The following MAP2K6 variants were observed in gnomAD, a reference collection of about 807,000 sequenced individuals.
MAP2K6 encodes dual specificity mitogen-activated protein kinase kinase 6.
Under a neutral mutation model 53.7 loss-of-function variants are expected in MAP2K6, and 16 were observed. That is an observed-to-expected ratio of 0.30 (90% confidence interval 0.20 to 0.45). The LOEUF (loss-of-function observed/expected upper bound fraction) is 0.45, where lower values mean the gene tolerates loss of function less well. Ranked by LOEUF, MAP2K6 falls within the 20% of genes least tolerant of loss-of-function variation. The pLI is 1.00. For synonymous variants in MAP2K6, 132 were observed against 143.1 expected (o/e 0.92, Z 0.55); for missense variants, 204 against 411.9 (o/e 0.50, Z 4.37).
At chr17:69,461,991 C>T (rs534997713) in intron 1 of MAP2K6, among the ~76,000 whole-genome samples, 22 of 152,208 alleles carry the variant, frequency 1.4e-4, no homozygotes, top group African/African-American at 4.3e-4. Context: ...TGTAGAAATT[C>T]GCAAGGAGGC....
At chr17:69,484,109 A>T (rs1395719736) in intron 1 of MAP2K6, among the ~76,000 whole-genome samples, 1 of 152,110 alleles carries the variant, frequency 6.6e-6, no homozygotes, top group Admixed American at 6.6e-5. Flanking sequence ...TCAAAGTTAA[A>T]AATTTTTCTG....
chr17:69,440,741 GT>G (rs779594281), intron 1 of MAP2K6, among the ~76,000 whole-genome samples: 1,397 of 133,086 alleles, frequency 0.01, 8 homozygotes, highest in African/African-American at 0.015. Flanking sequence ...GTTTTGTTTT[GT>G]TTTTTTTTTT....
intron 1 of MAP2K6, among the ~76,000 whole-genome samples, chr17:69,421,499 T>C (rs1384853884): frequency 1.3e-5 from 2 of 151,928 alleles, no homozygotes; most frequent in East Asian, 3.9e-4. Flanking sequence ...CTATGAGGCT[T>C]CTGAAGGATT....
At chr17:69,520,835 G>A (rs190780277) in intron 6 of MAP2K6, 13 of 473,470 alleles carry the variant, frequency 2.7e-5, no homozygotes, top group East Asian at 2.4e-4. Context: ...GACAGATGAG[G>A]GAGACATCCT....
At chr17:69,512,339 G>GTTTTT (rs746993199) in intron 2 of MAP2K6, among the ~76,000 whole-genome samples, 2 of 82,132 alleles carry the variant, frequency 2.4e-5, no homozygotes, top group South Asian at 4.7e-4. Context: ...TTTTTTTTTT[G>GTTTTT]TTTTTTTTTT....
intron 1 of MAP2K6, among the ~76,000 whole-genome samples, chr17:69,491,258 C>T (rs529837194): frequency 6.7e-4 from 102 of 152,268 alleles, no homozygotes; most frequent in African/African-American, 2.4e-3. Context: ...ATTCTCCTGC[C>T]TCAGCCTCCT....
At chr17:69,531,401 C>T (rs1360272135) in intron 10 of MAP2K6, among the ~76,000 whole-genome samples, 5 of 152,164 alleles carry the variant, frequency 3.3e-5, no homozygotes, top group East Asian at 1.9e-4. Flanking sequence ...CAACTTGGCA[C>T]GATGCCATCA....
intron 1 of MAP2K6, among the ~76,000 whole-genome samples, chr17:69,466,876 G>GGCTC (rs1160766481): frequency 1.3e-5 from 2 of 152,254 alleles, no homozygotes; most frequent in East Asian, 3.9e-4. Context: ...TGATGGTGGA[G>GGCTC]GCTCCCCATT....
Position 69,414,796 on chromosome 17 carries a change from G to C in MAP2K6, c.-189G>C. On this transcript the variant is annotated 5_prime_UTR_variant, in exon 1 of 12. Transcript: ENST00000590474. ...CAACTGGGGGAAAAATCACTTTCCAGTCTGTTTTGCAAGGTGTGCATTTCC... is the reference window on the plus strand; with the variant it reads ...CAACTGGGGGAAAAATCACTTTCCACTCTGTTTTGCAAGGTGTGCATTTCC... The C allele has an allele frequency of 1.8e-6, 1 of 551,076 alleles. No individual in the cohort carries two copies. Among genetic ancestry groups the C allele is most frequent in the Non-Finnish European group, 3.2e-6 (1 of 307,736 alleles). 34.1% of individuals were successfully genotyped at this position (551,076 alleles called of 1,614,324 possible).
rs1911706621 is a variant in MAP2K6 at position 69,542,899 on chromosome 17, T to A, written c.*1146T>A. 1 of 152,226 alleles carries A rather than the reference T, an allele frequency of 6.6e-6. No homozygotes were observed. The highest frequency in any genetic ancestry group is 1.5e-5 in the Non-Finnish European group (1 of 68,046). 9.4% of individuals were successfully genotyped at this position (152,226 alleles called of 1,614,324 possible). A position where few individuals can be genotyped will look rare whatever the true frequency, so the allele number is the denominator to read the frequency against. On this transcript the variant is annotated 3_prime_UTR_variant, in exon 12 of 12. Coordinates refer to ENST00000590474, the MANE Select transcript of MAP2K6 (RefSeq NM_002758.4). ...GAAAATGAAAGGTAGTGAGTAATTC[T>A]TTGATAAGATGAGGAAATAATGGGA...
intron 1 of MAP2K6, among the ~76,000 whole-genome samples, chr17:69,463,508 G>GTA (rs538389057): frequency 0.012 from 1,782 of 147,232 alleles, 16 homozygotes; most frequent in South Asian, 0.027. Flanking sequence ...ACACACATAT[G>GTA]TATATATATA....
rs78320746 is a variant in MAP2K6 at position 69,489,898 on chromosome 17, T to G, written c.17-15882T>G. Among the ~76,000 whole-genome samples the G allele has an allele frequency of 4.2e-3, 645 of 152,308 alleles. 5 individuals are homozygous for G. Among genetic ancestry groups the G allele is most frequent in the African/African-American group, 0.015 (622 of 41,566 alleles). ...ACAAAAGGCAAAGGCTACTGTGTTC[T>G]TTTGCTAGGCTATGGTTTGCAAAAC... On this transcript the variant is annotated intron_variant, in intron 1 of 11. Transcript: ENST00000590474.
At chr17:69,441,400 C>G (rs1906815016) in intron 1 of MAP2K6, among the ~76,000 whole-genome samples, 1 of 152,004 alleles carries the variant, frequency 6.6e-6, no homozygotes, top group African/African-American at 2.4e-5. Flanking sequence ...TTTGTATCTT[C>G]CATTCTGCTC....
chr17:69,449,021 C>T (rs1428457971), intron 1 of MAP2K6, among the ~76,000 whole-genome samples: 2 of 152,340 alleles, frequency 1.3e-5, no homozygotes, highest in South Asian at 2.1e-4. Flanking sequence ...GAAAGGGATA[C>T]TACCGATCTT....
chr17:69,535,905 CACACAACT>C (rs1159872696), intron 10 of MAP2K6, among the ~76,000 whole-genome samples: 2 of 151,266 alleles, frequency 1.3e-5, no homozygotes, highest in African/African-American at 2.4e-5. Flanking sequence ...CACACACACA[CACACAACT>C]ATTTTTCCCA....
intron 1 of MAP2K6, chr17:69,502,251 GGA>G: frequency 1.0e-6 from 1 of 985,412 alleles, no homozygotes; most frequent in Non-Finnish European, 1.2e-6. Context: ...AGGAGGGGGT[GGA>G]GTCTGTTCAG....
rs906428519 is a variant in MAP2K6, at chr17:69,552,028, C to T, written c.*10275C>T. 27 of 152,282 alleles carry T rather than the reference C, an allele frequency of 1.8e-4. No homozygotes were observed. The highest frequency in any genetic ancestry group is 5.5e-4 in the African/African-American group (23 of 41,560). 9.4% of individuals were successfully genotyped at this position (152,282 alleles called of 1,614,324 possible). On this transcript the variant is annotated 3_prime_UTR_variant, in exon 12 of 12. Coordinates refer to ENST00000590474, the MANE Select transcript of MAP2K6 (RefSeq NM_002758.4). ...GTTTCATAGCTGAAAATGCTGCTTC[C>T]GTTTATTAATATGGACTTTGTAAGG...
At chr17:69,523,353 C>T (rs1293172866) in intron 7 of MAP2K6, among the ~76,000 whole-genome samples, 161 bp from the exon 8 acceptor site, 1 of 152,148 alleles carries the variant, frequency 6.6e-6, no homozygotes, top group Admixed American at 6.5e-5. Flanking sequence ...AAGCAATAAG[C>T]TGTTGTTAAC....
intron 7 of MAP2K6, chr17:69,521,820 A>AAC: frequency 6.9e-6 from 1 of 144,432 alleles, no homozygotes; most frequent in African/African-American, 2.7e-5. Flanking sequence ...AAAAAAAAAA[A>AAC]AAAAAAAAAA....
Sources: allele counts gnomAD v4.1 joint callset (sites outside exome capture counted in the v4.1 genomes callset), GRCh38; gene constraint gnomAD v4.1.1; transcripts MANE v1.5; gene names NCBI Gene and HGNC (gene_info 2026-07-23, HGNC 2026-07-21).